The following EFCAB6 variants were observed in gnomAD, a reference collection of about 807,000 sequenced individuals.
EFCAB6 encodes EF-hand calcium-binding domain-containing protein 6.
In EFCAB6, 156 loss-of-function variants were observed where a neutral mutation model predicts 169.8. The ratio of observed to expected loss-of-function variants is 0.92; its 90% CI spans 0.81 to 1.05. EFCAB6 has a LOEUF of 1.05. Among genes scored for constraint, EFCAB6 ranks in the 50% least tolerant of loss-of-function variants. The probability of loss-of-function intolerance (pLI) is 0.00; values close to 1 mark genes in which losing one functional copy is unlikely to be tolerated. For synonymous variants in EFCAB6, 698 were observed against 676.4 expected, an observed-to-expected ratio of 1.03 and a Z score of -0.50; for missense variants, 1,800 against 1,829.1, an observed-to-expected ratio of 0.98 and a Z score of 0.29.
chr22:43,578,627 C>G (rs954383347), intron 25 of EFCAB6, among the ~76,000 whole-genome samples: 1 of 152,070 alleles, frequency 6.6e-6, no homozygotes, highest in African/African-American at 2.4e-5. Context: ...TCCACACACA[C>G]AAGCATCATT....
rs1320454217 is a variant in EFCAB6, at chr22:43,675,321, AC to A, written c.1419+2674del. Among the ~76,000 whole-genome samples the A allele has an allele frequency of 1.6e-3, 66 of 41,152 alleles. 1 individual carries two copies. Among genetic ancestry groups the A allele is most frequent in the Non-Finnish European group, 3.2e-3 (52 of 16,288 alleles). 27.0% of individuals were successfully genotyped at this position (41,152 alleles called of 152,430 possible). ...ATAATTATATATTATAGTATATTAT[AC>A]TATAATATATAATATAATATACTAT... On this transcript the variant is annotated intron_variant, in intron 13 of 31. Transcript: ENST00000262726.
chr22:43,642,164 C>A lies in EFCAB6; in HGVS notation c.1984-6948G>T, dbSNP rs185693056. 3.2e-3 allele frequency among the ~76,000 whole-genome samples: 492 copies of A among 152,222 alleles called. 1 individual carries two copies. Among genetic ancestry groups the A allele is most frequent in the African/African-American group, 0.011 (473 of 41,540 alleles). On this transcript the variant is annotated intron_variant, in intron 17 of 31. Transcript: ENST00000262726. The stretch of plus-strand genomic sequence containing the variant: ...CCATGTTGGTCAGGCTGGTCTCAAA[C>A]TCCCGACCGCAGGTTATCCACCCGC...
At position 43,572,231 on chromosome 22, in the gene EFCAB6, C is replaced by T. The variant is rs145231489; in HGVS notation, c.3420+4066G>A. Among the ~76,000 whole-genome samples, 1 of 152,164 alleles carries T rather than the reference C, an allele frequency of 6.6e-6. No individual in the cohort carries two copies. The highest frequency in any genetic ancestry group is 2.4e-5 in the African/African-American group (1 of 41,440). On this transcript the variant is annotated intron_variant, in intron 26 of 31. Coordinates refer to ENST00000262726, the MANE Select transcript of EFCAB6 (RefSeq NM_022785.4). The surrounding 1 kb of genome is among the most constrained non-coding windows in gnomAD (Gnocchi z 4.0). Reference sequence around the variant, plus strand: ...GAGGTGAAGGCAACTCTTTGTGATGCGAACTGGGCAGAACTAACCAATGTT... The same window carrying T: ...GAGGTGAAGGCAACTCTTTGTGATGTGAACTGGGCAGAACTAACCAATGTT...
intron 19 of EFCAB6, among the ~76,000 whole-genome samples, chr22:43,631,625 T>C (rs1048835473): frequency 1.3e-5 from 2 of 152,008 alleles, no homozygotes; most frequent in African/African-American, 4.8e-5. Flanking sequence ...CAACAGCCAA[T>C]TACTATGAAT....
intron 10 of EFCAB6, among the ~76,000 whole-genome samples, chr22:43,690,343 C>CAAAAAAAAAAAAAA (rs137802): frequency 4.2e-5 from 4 of 95,802 alleles, no homozygotes; most frequent in Non-Finnish European, 6.0e-5. Flanking sequence ...ACTAAAAATA[C>CAAAAAAAAAAAAAA]AAAAAAAAAA....
At chr22:43,775,750 G>C (rs886117086) in intron 3 of EFCAB6, among the ~76,000 whole-genome samples, 5 of 152,174 alleles carry the variant, frequency 3.3e-5, no homozygotes, top group African/African-American at 1.2e-4. Flanking sequence ...GGCCATGCCT[G>C]GTCCTCTTTA....
chr22:43,544,849 G>A (rs2047953252), intron 27 of EFCAB6, among the ~76,000 whole-genome samples: 1 of 152,142 alleles, frequency 6.6e-6, no homozygotes, highest in Middle Eastern at 3.2e-3. Flanking sequence ...AGTGCTGGGT[G>A]CAGTGGGTCA....
intron 17 of EFCAB6, among the ~76,000 whole-genome samples, chr22:43,650,250 G>T (rs2056400904): frequency 6.6e-6 from 1 of 152,160 alleles, no homozygotes. Flanking sequence ...GGAGGCACCT[G>T]GTGGGAGGTA....
Position 43,672,045 on chromosome 22 carries a change from C to A in EFCAB6, c.1568G>T (p.Arg523Leu), listed in dbSNP as rs769219254. Residue 523 changes from arginine (R) to leucine (L), a missense_variant, in exon 15 of 32, where the codon CGC (arginine) becomes CTC (leucine). By Grantham distance (102) the Arg-to-Leu change is moderately radical. Transcript: ENST00000262726. ...LRSYDLGDTGRIGRNNFKKIM... is the reference protein window; with the variant it reads ...LRSYDLGDTGLIGRNNFKKIM... ...TTTCTTGAAATTATTTCGGCCAATG[C>A]GCCCTGTGTCTCCAAGGTCATATGA... 3.1e-6 allele frequency: 5 copies of A among 1,614,138 alleles called. No homozygotes were observed. The highest frequency in any genetic ancestry group is 4.2e-6 in the Non-Finnish European group (5 of 1,180,008).
At chr22:43,737,975 CAT>C (rs1175828704) in intron 6 of EFCAB6, among the ~76,000 whole-genome samples, 2 of 151,108 alleles carry the variant, frequency 1.3e-5, no homozygotes, top group Non-Finnish European at 3.0e-5. Context: ...CACTCACACA[CAT>C]ATATTCGCAC....
intron 27 of EFCAB6, among the ~76,000 whole-genome samples, chr22:43,545,668 C>T (rs938847943): frequency 2.0e-5 from 3 of 152,176 alleles, no homozygotes; most frequent in Non-Finnish European, 2.9e-5. Context: ...ATCTTCAGTG[C>T]AAGGCTGGGT....
At chr22:43,689,220 G>A (rs56184844) in intron 10 of EFCAB6, among the ~76,000 whole-genome samples, 1 of 152,058 alleles carries the variant, frequency 6.6e-6, no homozygotes, top group African/African-American at 2.4e-5. Flanking sequence ...GGGGGCGCAG[G>A]GCCGGAGGCA....
rs185396322 is a variant in EFCAB6, at chr22:43,767,903, G to A, written c.352-2510C>T. The stretch of plus-strand genomic sequence containing the variant: ...AGGCTCTGCTCAGTACTTGCCTTTT[G>A]GTGTTTACAATTCTGGCAAAATGTT... On this transcript the variant is annotated intron_variant, in intron 4 of 31. Coordinates refer to ENST00000262726, the MANE Select transcript of EFCAB6 (RefSeq NM_022785.4). 1.3e-3 allele frequency among the ~76,000 whole-genome samples: 205 copies of A among 152,284 alleles called. 1 individual carries two copies. Among genetic ancestry groups the A allele is most frequent in the African/African-American group, 4.7e-3 (194 of 41,550 alleles).
At chr22:43,593,816 A>T (rs2051758299) in intron 23 of EFCAB6, among the ~76,000 whole-genome samples, 1 of 152,208 alleles carries the variant, frequency 6.6e-6, no homozygotes, top group Admixed American at 6.5e-5. Flanking sequence ...AACAGGTAAG[A>T]GCAAGATGGA....
chr22:43,574,038 T>C (rs1317317874), intron 26 of EFCAB6, among the ~76,000 whole-genome samples: 1 of 152,176 alleles, frequency 6.6e-6, no homozygotes, highest in Admixed American at 6.5e-5. Context: ...TGACTCCAGT[T>C]ATTTTATTTC....
At chr22:43,775,324 C>T (rs12628824) in intron 3 of EFCAB6, among the ~76,000 whole-genome samples, 12,325 of 152,192 alleles carry the variant, frequency 0.081, 658 homozygotes, top group South Asian at 0.2. Flanking sequence ...AGTGGGCATA[C>T]GCTCCCCACT....
chr22:43,712,374 AATC>A (rs1404477753), intron 9 of EFCAB6, among the ~76,000 whole-genome samples: 1 of 152,204 alleles, frequency 6.6e-6, no homozygotes, highest in Non-Finnish European at 1.5e-5. Flanking sequence ...AGATAAACAA[AATC>A]ACCACAACTT....
At chr22:43,597,766 A>G (rs2052131240) in intron 23 of EFCAB6, among the ~76,000 whole-genome samples, 1 of 152,244 alleles carries the variant, frequency 6.6e-6, no homozygotes. Flanking sequence ...GGAAATCAGT[A>G]TATCTGCATT....
chr22:43,703,396 G>C (rs1396818614), intron 10 of EFCAB6, among the ~76,000 whole-genome samples: 1 of 152,154 alleles, frequency 6.6e-6, no homozygotes, highest in Non-Finnish European at 1.5e-5. Context: ...AGCCAGAAAA[G>C]GTGGTTGTCT....
Sources: allele counts gnomAD v4.1 joint callset (sites outside exome capture counted in the v4.1 genomes callset), GRCh38; gene constraint gnomAD v4.1.1; non-coding constraint Gnocchi (gnomAD v3.1); transcripts MANE v1.5; gene names NCBI Gene and HGNC (gene_info 2026-07-23, HGNC 2026-07-21).